The following CNTN5 variants were observed in gnomAD, a reference collection of about 807,000 sequenced individuals.
CNTN5 encodes the protein contactin 5.
CNTN5 carries 77 observed loss-of-function variants against 129.1 expected under a neutral mutation model. That is an observed-to-expected ratio of 0.60 (90% CI 0.50 to 0.72). CNTN5 has a LOEUF of 0.72. Among genes scored for constraint, CNTN5 ranks in the 30% least tolerant of loss-of-function variants. CNTN5 has a pLI of 0.00. For missense variants in CNTN5, 1,478 were observed against 1,328.8 expected (o/e 1.11, Z -1.75); for synonymous variants, 509 against 465.6 (o/e 1.09, Z -1.20).
rs573183087 is a variant in CNTN5 at position 99,830,225 on chromosome 11, A to G, written c.277+10460A>G. Among the ~76,000 whole-genome samples the G allele has an allele frequency of 1.1e-4, 16 of 152,210 alleles. No homozygotes were observed. The East Asian group carries it at 2.9e-3, about 28-fold the overall frequency. On this transcript the variant is annotated intron_variant, in intron 4 of 24. Transcript: ENST00000524871. ...CTTAGAGGAAGCAAATTATTTTTCT[A>G]CTAAGGCTAAGCACATAATTTTGCT...
intron 3 of CNTN5, among the ~76,000 whole-genome samples, chr11:99,782,911 G>A (rs2135395329): frequency 1.3e-5 from 2 of 151,864 alleles, no homozygotes; most frequent in Middle Eastern, 6.8e-3. Context: ...TCAGGACATA[G>A]GCATGGGCAA....
chr11:100,097,434 T>C (rs1945045731), intron 13 of CNTN5, among the ~76,000 whole-genome samples: 1 of 152,078 alleles, frequency 6.6e-6, no homozygotes, highest in South Asian at 2.1e-4. Context: ...AGAAAAAGAA[T>C]AAGTTTTCTG....
intron 9 of CNTN5, among the ~76,000 whole-genome samples, chr11:100,038,482 G>A (rs1081355): frequency 0.81 from 123,682 of 152,146 alleles, 51,056 homozygotes; most frequent in East Asian, 1. Context: ...TGTCTGTTAG[G>A]TCTGCTTGGT....
At chr11:100,030,932 C>T (rs1010263121) in intron 9 of CNTN5, among the ~76,000 whole-genome samples, 4 of 152,028 alleles carry the variant, frequency 2.6e-5, no homozygotes, top group Non-Finnish European at 4.4e-5. Context: ...ACAATTTTTT[C>T]GTGAATTAAG....
At chr11:99,273,186 AG>A (rs1863257031) in intron 1 of CNTN5, among the ~76,000 whole-genome samples, 1 of 151,792 alleles carries the variant, frequency 6.6e-6, no homozygotes, top group South Asian at 2.1e-4. Context: ...CAAAAACAGA[AG>A]GGACATATGC....
At chr11:99,619,785 G>A (rs1950873493) in intron 3 of CNTN5, among the ~76,000 whole-genome samples, 1 of 152,118 alleles carries the variant, frequency 6.6e-6, no homozygotes, top group South Asian at 2.1e-4. Context: ...CCAGCACTTT[G>A]GGAGGCCGAG....
chr11:99,756,189 T>C (rs746439772), intron 3 of CNTN5, among the ~76,000 whole-genome samples: 7 of 152,092 alleles, frequency 4.6e-5, no homozygotes, highest in Non-Finnish European at 8.8e-5. Flanking sequence ...TCCTTTATGG[T>C]GAGGAAGTAT....
intron 13 of CNTN5, among the ~76,000 whole-genome samples, chr11:100,096,604 A>G (rs1374230118): frequency 1.3e-5 from 2 of 152,008 alleles, no homozygotes; most frequent in Admixed American, 1.3e-4. Context: ...GGCCACCAAA[A>G]CGTACAAATT....
At chr11:100,123,542 T>A (rs1026651838) in intron 13 of CNTN5, among the ~76,000 whole-genome samples, 17 of 152,162 alleles carry the variant, frequency 1.1e-4, no homozygotes, top group Non-Finnish European at 1.8e-4. Context: ...TTTTTGCTAA[T>A]TTAAAAAGTC....
At chr11:100,027,964 A>C (rs751122688) in intron 9 of CNTN5, among the ~76,000 whole-genome samples, 24 of 152,212 alleles carry the variant, frequency 1.6e-4, no homozygotes, top group Non-Finnish European at 3.1e-4. Context: ...GAAAGATAGA[A>C]GTTGACCCAA....
At chr11:100,322,284 G>A (rs1951711276) in intron 21 of CNTN5, among the ~76,000 whole-genome samples, 4 of 151,488 alleles carry the variant, frequency 2.6e-5, no homozygotes, top group South Asian at 2.1e-4. Context: ...GTGCAGTGGC[G>A]CGATCTCAGC....
At chr11:99,775,828 G>A (rs1191117598) in intron 3 of CNTN5, among the ~76,000 whole-genome samples, 3 of 151,596 alleles carry the variant, frequency 2.0e-5, no homozygotes, top group Non-Finnish European at 4.4e-5. Context: ...TTACGTTAGC[G>A]TTCCCATTTA....
At chr11:100,333,431 A>AG (rs2090154152) in intron 21 of CNTN5, among the ~76,000 whole-genome samples, 1 of 142,568 alleles carries the variant, frequency 7.0e-6, no homozygotes, top group South Asian at 2.3e-4. Flanking sequence ...AAAAAAAAAA[A>AG]ACACCTAAAA....
At chr11:100,126,552 A>T (rs71462660) in intron 13 of CNTN5, among the ~76,000 whole-genome samples, 20 of 139,336 alleles carry the variant, frequency 1.4e-4, no homozygotes, top group African/African-American at 3.0e-4. Flanking sequence ...TCTTTTTTTT[A>T]AAATCGTTAT....
intron 4 of CNTN5, 104 bp downstream of exon 4, chr11:99,819,869 G>T: frequency 2.7e-6 from 2 of 750,798 alleles, no homozygotes; most frequent in South Asian, 3.5e-5. Flanking sequence ...AGGAGAGAGT[G>T]ATTGAACTCA....
chr11:100,274,147 G>A (rs1950458489), intron 18 of CNTN5, among the ~76,000 whole-genome samples: 1 of 152,180 alleles, frequency 6.6e-6, no homozygotes, highest in African/African-American at 2.4e-5. Context: ...AATAAATGGT[G>A]CTGAGATAAC....
chr11:100,349,631 T>C (rs905684135), intron 23 of CNTN5, among the ~76,000 whole-genome samples: 4 of 151,892 alleles, frequency 2.6e-5, no homozygotes, highest in African/African-American at 4.8e-5. Context: ...TGTAGGAAAC[T>C]GTTTCATATC....
At chr11:99,223,865 G>A (rs1423689658) in intron 1 of CNTN5, among the ~76,000 whole-genome samples, 1 of 152,122 alleles carries the variant, frequency 6.6e-6, no homozygotes, top group Non-Finnish European at 1.5e-5. Context: ...ACCTCTTTAT[G>A]TCCTCTCTGG....
intron 6 of CNTN5, among the ~76,000 whole-genome samples, chr11:99,890,543 TA>T (rs1420942035): frequency 2.0e-5 from 3 of 150,052 alleles, no homozygotes; most frequent in African/African-American, 7.5e-5. Context: ...TATGTATACA[TA>T]CATATATGAT....
Sources: gnomAD v4.1 joint callset for allele counts (sites outside exome capture counted in the v4.1 genomes callset) on GRCh38, gnomAD v4.1.1 for gene constraint, MANE v1.5 for transcripts, NCBI Gene and HGNC (gene_info 2026-07-23, HGNC 2026-07-21) for gene names.